The following HDAC9 variants were observed in gnomAD, a reference collection of about 807,000 sequenced individuals.
The protein encoded by HDAC9 is histone deacetylase 9.
In HDAC9, 41 loss-of-function variants were observed where a neutral mutation model predicts 139.4. The observed-to-expected ratio is 0.29, with a 90% CI of 0.23 to 0.38. The LOEUF (loss-of-function observed/expected upper bound fraction) is 0.38, where lower values mean the gene tolerates loss of function less well. Ranked by LOEUF, HDAC9 falls within the 10% of genes least tolerant of loss-of-function variation. The pLI is 1.00. For synonymous variants in HDAC9, 517 were observed against 476.2 expected (o/e 1.09, Z -1.12); for missense variants, 1,147 against 1,297.0 (o/e 0.88, Z 1.78).
intron 22 of HDAC9, among the ~76,000 whole-genome samples, chr7:18,911,502 C>T (rs1802738722): frequency 6.6e-6 from 1 of 150,982 alleles, no homozygotes; most frequent in African/African-American, 2.4e-5. Context: ...ATTTTTTGGT[C>T]TCTATTTTGT....
chr7:18,287,568 G>A (rs1484342242), upstream of HDAC9, among the ~76,000 whole-genome samples: 2 of 152,100 alleles, frequency 1.3e-5, no homozygotes, highest in Non-Finnish European at 2.9e-5. Flanking sequence ...TGATAGATGG[G>A]GATTCTGTGC....
chr7:18,305,297 C>T (rs1021822297), intron 1 of HDAC9, among the ~76,000 whole-genome samples: 61 of 152,162 alleles, frequency 4.0e-4, no homozygotes, highest in Non-Finnish European at 5.7e-4. Flanking sequence ...ATGTAGATAT[C>T]CTAGGCCGGT....
intron 21 of HDAC9, among the ~76,000 whole-genome samples, chr7:18,837,282 G>C (rs1270691293): frequency 6.6e-6 from 1 of 151,732 alleles, no homozygotes; most frequent in East Asian, 1.9e-4. Context: ...CCGTCAACTT[G>C]GGTTGATTGT....
intron 17 of HDAC9, among the ~76,000 whole-genome samples, chr7:18,806,240 A>G (rs2129186501): frequency 6.6e-6 from 1 of 152,290 alleles, no homozygotes; most frequent in East Asian, 1.9e-4. Flanking sequence ...ATAACAAATT[A>G]CCCCAAATTT....
intron 1 of HDAC9, among the ~76,000 whole-genome samples, chr7:18,406,935 A>T (rs546238653): frequency 2.3e-4 from 35 of 152,264 alleles, no homozygotes; most frequent in Non-Finnish European, 4.0e-4. Context: ...AAATAATCAG[A>T]TATATCTTCT....
chr7:18,541,701 T>A (rs1813025247), intron 2 of HDAC9, among the ~76,000 whole-genome samples: 1 of 152,200 alleles, frequency 6.6e-6, no homozygotes, highest in Non-Finnish European at 1.5e-5. Context: ...ACAAGGGCCC[T>A]CTCTAAATGA....
intron 12 of HDAC9, among the ~76,000 whole-genome samples, chr7:18,722,649 A>T (rs1007670177): frequency 1.3e-5 from 2 of 152,176 alleles, no homozygotes; most frequent in African/African-American, 4.8e-5. Flanking sequence ...ATCCTAAAAT[A>T]AAAGTGACCT....
chr7:18,643,346 GT>G (rs1562718026), intron 8 of HDAC9, among the ~76,000 whole-genome samples: 1 of 152,134 alleles, frequency 6.6e-6, no homozygotes, highest in East Asian at 1.9e-4. Flanking sequence ...TCAATGTAAT[GT>G]TATTGCTTTC....
At chr7:18,143,272 A>T (rs892257654) in intron 1 of HDAC9, among the ~76,000 whole-genome samples, 2 of 152,232 alleles carry the variant, frequency 1.3e-5, no homozygotes, top group African/African-American at 4.8e-5. Context: ...CAAAGAAATC[A>T]GGAAATTAAG....
intron 2 of HDAC9, among the ~76,000 whole-genome samples, chr7:18,206,680 A>G (rs1791533232): frequency 1.3e-5 from 2 of 152,186 alleles, no homozygotes; most frequent in Admixed American, 6.5e-5. Flanking sequence ...ATAAAAAAAT[A>G]ATAAGGGTAC....
At chr7:18,610,057 A>AC (rs1393526434) in intron 6 of HDAC9, among the ~76,000 whole-genome samples, 1 of 152,164 alleles carries the variant, frequency 6.6e-6, no homozygotes, top group Non-Finnish European at 1.5e-5. Flanking sequence ...CTGGATATGT[A>AC]CCCAAAGGGT....
rs1405653770 is a variant in HDAC9 at position 18,999,309 on chromosome 7, T to C, written c.*3247T>C. Reference sequence around the variant, plus strand: ...TCAGAAATTACAGGACTGGTCTCTCTTAATAGTTTAGTCCTGCTTTATTTC... The same window carrying C: ...TCAGAAATTACAGGACTGGTCTCTCCTAATAGTTTAGTCCTGCTTTATTTC... On this transcript the variant is annotated 3_prime_UTR_variant, in exon 26 of 26. Coordinates refer to ENST00000686413, the MANE Select transcript of HDAC9 (RefSeq NM_178425.4). 1 of 152,212 alleles carries C rather than the reference T, an allele frequency of 6.6e-6. No homozygotes were observed. The highest frequency in any genetic ancestry group is 1.5e-5 in the Non-Finnish European group (1 of 68,054). The allele number at this position is 152,212 out of a possible 1,614,324, so 9.4% of individuals were successfully genotyped here.
intron 1 of HDAC9, chr7:18,290,562 G>C (rs1446559874): frequency 2.2e-6 from 1 of 456,424 alleles, no homozygotes; most frequent in Non-Finnish European, 4.4e-6. Flanking sequence ...GAAAAAGATA[G>C]TGGGGTAGAT....
intron 1 of HDAC9, among the ~76,000 whole-genome samples, chr7:18,414,766 T>C (rs1788890653): frequency 6.6e-6 from 1 of 152,200 alleles, no homozygotes; most frequent in African/African-American, 2.4e-5. Context: ...AGAATGAATA[T>C]AACTTAAGAA....
chr7:18,838,637 G>A lies in HDAC9; in HGVS notation c.2684+2640G>A, dbSNP rs192541916. ...GATAGACTGCCAAATAATTTTTAAT[G>A]TAGTATTATTTTCTAAGCTTATCCT... is the stretch of plus-strand genomic sequence containing the variant. On this transcript the variant is annotated intron_variant, in intron 21 of 25. Transcript: ENST00000686413. 2.8e-3 allele frequency among the ~76,000 whole-genome samples: 430 copies of A among 152,116 alleles called. 3 individuals carry two copies. The highest frequency in any genetic ancestry group is 9.8e-3 in the African/African-American group (408 of 41,536).
upstream of HDAC9, among the ~76,000 whole-genome samples, chr7:18,285,626 T>C (rs147241815): frequency 1.2e-4 from 18 of 152,218 alleles, no homozygotes; most frequent in African/African-American, 4.3e-4. Flanking sequence ...TCATTATCTA[T>C]TAGCATCAAT....
intron 14 of HDAC9, among the ~76,000 whole-genome samples, chr7:18,761,717 A>G (rs10270954): frequency 0.074 from 11,283 of 152,218 alleles, 1,363 homozygotes; most frequent in African/African-American, 0.25. Context: ...GTGATCATCA[A>G]GTTCATTAAA....
intron 17 of HDAC9, among the ~76,000 whole-genome samples, chr7:18,794,991 G>A (rs1448191079): frequency 6.6e-6 from 1 of 152,084 alleles, no homozygotes; most frequent in African/African-American, 2.4e-5. Context: ...TCAGTCATCA[G>A]AAGCATCATT....
intron 1 of HDAC9, among the ~76,000 whole-genome samples, chr7:18,414,278 A>T (rs1182365619): frequency 4.6e-5 from 7 of 152,090 alleles, no homozygotes; most frequent in Non-Finnish European, 1.0e-4. Flanking sequence ...TCACAATGAT[A>T]TTGACCATTA....
Sources: allele counts gnomAD v4.1 joint callset (sites outside exome capture counted in the v4.1 genomes callset), GRCh38; gene constraint gnomAD v4.1.1; transcripts MANE v1.5; gene names NCBI Gene and HGNC (gene_info 2026-07-23, HGNC 2026-07-21).